The following CNTN5 variants were observed in gnomAD, a reference collection of about 807,000 sequenced individuals.
CNTN5 encodes contactin 5, also known as contactin-5.
Under a neutral mutation model 129.1 loss-of-function variants are expected in CNTN5, and 77 were observed. The observed-to-expected ratio is 0.60, with a 90% CI of 0.50 to 0.72. The LOEUF is 0.72. Ranked by LOEUF, CNTN5 falls within the 30% of genes least tolerant of loss-of-function variation. The probability of loss-of-function intolerance (pLI) is 0.00; values close to 1 mark genes in which losing one functional copy is unlikely to be tolerated. For missense variants in CNTN5, 1,478 were observed against 1,328.8 expected (o/e 1.11, Z -1.75); for synonymous variants, 509 against 465.6 (o/e 1.09, Z -1.20).
At chr11:99,451,632 T>C (rs1944305575) in intron 2 of CNTN5, among the ~76,000 whole-genome samples, 1 of 152,186 alleles carries the variant, frequency 6.6e-6, no homozygotes, top group Non-Finnish European at 1.5e-5. Context: ...TTTTGCCGTG[T>C]CTGAAGGATT....
chr11:99,943,347 T>G (rs1950484167), intron 7 of CNTN5, among the ~76,000 whole-genome samples: 1 of 152,174 alleles, frequency 6.6e-6, no homozygotes, highest in African/African-American at 2.4e-5. Flanking sequence ...CTGAGAAGTG[T>G]TTGTTCATAT....
chr11:99,151,390 A>T (rs541906932), intron 1 of CNTN5, among the ~76,000 whole-genome samples: 1 of 152,188 alleles, frequency 6.6e-6, no homozygotes, highest in Non-Finnish European at 1.5e-5. Context: ...TCTTCATAGA[A>T]ATATGATACT....
chr11:99,428,262 A>G (rs1451811913), intron 2 of CNTN5, among the ~76,000 whole-genome samples: 1 of 94,552 alleles, frequency 1.1e-5, no homozygotes, highest in African/African-American at 3.0e-5. Context: ...CTTTTTTAAG[A>G]AAAAAAAGGC....
At position 99,607,164 on chromosome 11, in the gene CNTN5, C is replaced by A. The variant is rs974957207; in HGVS notation, c.55+50895C>A. On this transcript the variant is annotated intron_variant, in intron 3 of 24. Transcript: ENST00000524871. ...ACTACCATCAGAGTGAACAGGCAAC[C>A]TACAACATGGGAGAAAATTTTCACA... is the stretch of plus-strand genomic sequence containing the variant. 2.0e-4 allele frequency among the ~76,000 whole-genome samples: 20 copies of A among 100,558 alleles called. 1 individual carries two copies. Among genetic ancestry groups the A allele is most frequent in the Non-Finnish European group, 4.3e-4 (20 of 47,050 alleles). 66.0% of individuals were successfully genotyped at this position (100,558 alleles called of 152,430 possible).
intron 1 of CNTN5, among the ~76,000 whole-genome samples, chr11:99,030,823 C>T (rs1863338911): frequency 6.8e-6 from 1 of 146,614 alleles, no homozygotes; most frequent in Admixed American, 7.5e-5. Context: ...CTCTGTCGCC[C>T]AGGCTGGAGT....
At chr11:99,281,680 G>T (rs1167019951) in intron 1 of CNTN5, among the ~76,000 whole-genome samples, 1 of 151,720 alleles carries the variant, frequency 6.6e-6, no homozygotes, top group East Asian at 1.9e-4. Flanking sequence ...TTGCTGGGTT[G>T]TTTACTTTAT....
chr11:99,922,726 A>G (rs147799575), intron 7 of CNTN5, among the ~76,000 whole-genome samples: 20 of 152,284 alleles, frequency 1.3e-4, no homozygotes, highest in African/African-American at 4.6e-4. Context: ...TATCTTTCCA[A>G]GTAGATTATA....
At position 99,774,758 on chromosome 11, in the gene CNTN5, A is replaced by G. The variant is rs567749797; in HGVS notation, c.56-44786A>G. 5.3e-5 allele frequency among the ~76,000 whole-genome samples: 8 copies of G among 152,186 alleles called. No individual in the cohort carries two copies. In the South Asian group the frequency reaches 6.2e-4, roughly 12 times the overall value. On this transcript the variant is annotated intron_variant, in intron 3 of 24. Coordinates refer to ENST00000524871, the MANE Select transcript of CNTN5 (RefSeq NM_014361.4). ...TTCTCTTAGAATGTATGAATGAGCA[A>G]TGTTTCAGTTCCGTTAGAAACATGA...
intron 1 of CNTN5, among the ~76,000 whole-genome samples, chr11:99,234,017 A>T (rs928268484): frequency 6.6e-6 from 1 of 152,192 alleles, no homozygotes; most frequent in Admixed American, 6.5e-5. Flanking sequence ...CAAAGAGAGG[A>T]TGTGAAATGT....
intron 7 of CNTN5, among the ~76,000 whole-genome samples, chr11:99,932,611 G>A (rs1950218444): frequency 6.6e-6 from 1 of 151,940 alleles, no homozygotes; most frequent in African/African-American, 2.4e-5. Flanking sequence ...TGTGACTTTG[G>A]GGAAGAAATA....
chr11:100,100,380 C>T (rs957266592), intron 13 of CNTN5, among the ~76,000 whole-genome samples: 1 of 152,128 alleles, frequency 6.6e-6, no homozygotes, highest in Non-Finnish European at 1.5e-5. Flanking sequence ...CCCATTTATA[C>T]TTCAGGGCCC....
intron 2 of CNTN5, among the ~76,000 whole-genome samples, chr11:99,448,355 G>A (rs1944154788): frequency 6.6e-6 from 1 of 152,096 alleles, no homozygotes; most frequent in African/African-American, 2.4e-5. Flanking sequence ...ACCATGGGAG[G>A]CTAAAAACTG....
At chr11:99,302,218 A>C (rs1047761306) in intron 1 of CNTN5, among the ~76,000 whole-genome samples, 1 of 151,776 alleles carries the variant, frequency 6.6e-6, no homozygotes, top group South Asian at 2.1e-4. Context: ...AAGAATAAAT[A>C]TTAAAGCTGA....
Position 100,352,019 on chromosome 11 carries a change from T to A in CNTN5, c.3199+1149T>A, listed in dbSNP as rs546184943. Among the ~76,000 whole-genome samples, 9 of 151,864 alleles carry A rather than the reference T, an allele frequency of 5.9e-5. No individual in the cohort carries two copies. The South Asian group carries it at 1.9e-3, about 31-fold the overall frequency. On this transcript the variant is annotated intron_variant, in intron 24 of 24. Coordinates refer to ENST00000524871, the MANE Select transcript of CNTN5 (RefSeq NM_014361.4). ...CTGACATAATACTTGATAATTTTTT[T>A]AACTTTTTAAGTTCAGGGGTACATG...
intron 2 of CNTN5, among the ~76,000 whole-genome samples, chr11:99,369,299 T>C (rs1387677087): frequency 8.8e-6 from 1 of 113,810 alleles, no homozygotes; most frequent in Non-Finnish European, 2.0e-5. Flanking sequence ...AAAGTAGATA[T>C]ACAGTCAAGA....
At chr11:99,118,882 A>ACT (rs1454373529) in intron 1 of CNTN5, among the ~76,000 whole-genome samples, 6 of 151,552 alleles carry the variant, frequency 4.0e-5, no homozygotes, top group Non-Finnish European at 8.8e-5. Flanking sequence ...ATATCTAAAT[A>ACT]TATTTAGGTA....
At chr11:99,629,713 A>G (rs1951269337) in intron 3 of CNTN5, among the ~76,000 whole-genome samples, 1 of 151,922 alleles carries the variant, frequency 6.6e-6, no homozygotes. Context: ...CTGATGACAC[A>G]ATTATACAGA....
At chr11:99,305,716 C>T (rs1409775900) in intron 1 of CNTN5, among the ~76,000 whole-genome samples, 1 of 152,076 alleles carries the variant, frequency 6.6e-6, no homozygotes, top group Non-Finnish European at 1.5e-5. Flanking sequence ...TGTGGTGGCT[C>T]ACACCTGTAA....
intron 2 of CNTN5, among the ~76,000 whole-genome samples, chr11:99,517,263 C>A (rs577416425): frequency 2.0e-5 from 3 of 152,114 alleles, no homozygotes; most frequent in Non-Finnish European, 2.9e-5. Context: ...GTATATTAAA[C>A]CCCTTTTTAT....
Sources: allele counts gnomAD v4.1 joint callset (sites outside exome capture counted in the v4.1 genomes callset), GRCh38; gene constraint gnomAD v4.1.1; transcripts MANE v1.5; gene names NCBI Gene and HGNC (gene_info 2026-07-23, HGNC 2026-07-21).